RTTN: variants seen among roughly 807,000 people sequenced by gnomAD.
RTTN encodes the protein rotatin.
A neutral mutation model predicts 269.2 loss-of-function variants in RTTN; 182 were observed. The observed-to-expected ratio is 0.68, with a 90% CI of 0.60 to 0.76. The LOEUF (loss-of-function observed/expected upper bound fraction) is 0.76, where lower values mean the gene tolerates loss of function less well. RTTN is among the 30% of genes least tolerant of loss of function. The pLI is 0.00. For synonymous variants in RTTN, 1,006 were observed against 963.5 expected (o/e 1.04, Z -0.82); for missense variants, 2,545 against 2,608.6 (o/e 0.98, Z 0.53).
Position 70,073,905 on chromosome 18 carries a change from C to T in RTTN, c.4653+1G>A. ...AGGACTTATGCATTCTTTGCAAGTA[C>T]CGTTGTTTCTGAGGTGGAGAGAGAA... On this transcript the variant is annotated splice_donor_variant, in intron 34 of 48. Coordinates refer to ENST00000640769, the MANE Select transcript of RTTN (RefSeq NM_173630.4). LOFTEE classifies it high-confidence loss of function. The T allele has an allele frequency of 1.2e-6, 2 of 1,605,892 alleles. No homozygotes were observed. The highest frequency in any genetic ancestry group is 2.2e-5 in the South Asian group (2 of 90,872).
chr18:70,017,437 G>T lies in RTTN; in HGVS notation c.6391C>A (p.Pro2131Thr). Reference protein sequence around the residue: ...LLIFHNVCFSPANKPKILANE... With the variant: ...LLIFHNVCFSTANKPKILANE... ...GCCAGGATCTTGGGTTTATTTGCAG[G>T]ACTGAAGCAAACATTATGAAAGATA... is the stretch of plus-strand genomic sequence containing the variant. The change falls in exon 46 of 49, where the codon CCT (proline) becomes ACT (threonine). Residue 2131 changes from proline (P) to threonine (T), a missense_variant. Pro to Thr is a conservative substitution (Grantham distance 38). Coordinates refer to ENST00000640769, the MANE Select transcript of RTTN (RefSeq NM_173630.4). The T allele has an allele frequency of 6.2e-7, 1 of 1,613,964 alleles. No individual in the cohort carries two copies. Among genetic ancestry groups the T allele is most frequent in the South Asian group, 1.1e-5 (1 of 91,062 alleles).
At chr18:70,140,505 T>C (rs1344293152) in intron 19 of RTTN, among the ~76,000 whole-genome samples, 1 of 152,158 alleles carries the variant, frequency 6.6e-6, no homozygotes, top group Non-Finnish European at 1.5e-5. Context: ...TATTTATACA[T>C]GCAAATTATC....
intron 35 of RTTN, among the ~76,000 whole-genome samples, chr18:70,065,380 C>T (rs1251861992): frequency 6.6e-6 from 1 of 151,702 alleles, no homozygotes; most frequent in Admixed American, 6.6e-5. Flanking sequence ...AAATAAGTCC[C>T]AAGTTGTATA....
rs189834850 is a variant in RTTN, at chr18:70,042,440, A to T, written c.5541+5531T>A. On this transcript the variant is annotated intron_variant, in intron 40 of 48. Transcript: ENST00000640769. Reference sequence around the variant, plus strand: ...GCCCAGGATAGAGTGCAGTGGCGTGATCTCTGCTCACTGCAAGCTCCCCGT... The same window carrying T: ...GCCCAGGATAGAGTGCAGTGGCGTGTTCTCTGCTCACTGCAAGCTCCCCGT... Among the ~76,000 whole-genome samples the T allele has an allele frequency of 5.1e-3, 610 of 119,498 alleles. 3 individuals are homozygous for T. The highest frequency in any genetic ancestry group is 8.5e-3 in the Admixed American group (70 of 8,244). The allele number at this position is 119,498 out of a possible 152,430, so 78.4% of individuals were successfully genotyped here.
intron 28 of RTTN, among the ~76,000 whole-genome samples, chr18:70,101,398 T>G (rs944712559): frequency 2.6e-5 from 4 of 152,236 alleles, no homozygotes; most frequent in African/African-American, 7.2e-5. Flanking sequence ...TAGTAGTTTG[T>G]ATTTCTGTGG....
chr18:70,091,997 C>G (rs1334897934), intron 30 of RTTN, 113 bp downstream of exon 30: 2 of 555,046 alleles, frequency 3.6e-6, no homozygotes, highest in East Asian at 7.3e-5. Context: ...TCGTGATCTG[C>G]CCACCTCAGC....
At chr18:70,149,125 G>C in intron 16 of RTTN, 88 bp from the exon 17 acceptor site, 3 of 1,127,108 alleles carry the variant, frequency 2.7e-6, no homozygotes. Flanking sequence ...TGTCCTATCA[G>C]CAACTCATAA....
At chr18:70,046,933 T>A (rs2057507325) in intron 40 of RTTN, among the ~76,000 whole-genome samples, 2 of 152,240 alleles carry the variant, frequency 1.3e-5, no homozygotes. Flanking sequence ...AGCATTTTCT[T>A]CTTACTGGCA....
rs574033782 is a variant in RTTN, at chr18:70,023,955, G to A, written c.5950+767C>T. On this transcript the variant is annotated intron_variant, in intron 44 of 48. Transcript: ENST00000640769. ...GCACCATCATGCCTGGCTAATTTTTGTGTTTTTAGTAGAGACAGGGTTTCC... is the reference window on the plus strand; with the variant it reads ...GCACCATCATGCCTGGCTAATTTTTATGTTTTTAGTAGAGACAGGGTTTCC... Among the ~76,000 whole-genome samples the A allele has an allele frequency of 2.0e-5, 3 of 152,082 alleles. No individual in the cohort carries two copies. In the East Asian group the frequency reaches 5.8e-4, roughly 29 times the overall value.
At chr18:70,141,542 A>G (rs1472621437) in intron 19 of RTTN, among the ~76,000 whole-genome samples, 2 of 152,164 alleles carry the variant, frequency 1.3e-5, no homozygotes, top group Non-Finnish European at 2.9e-5. Flanking sequence ...CAAACACCGC[A>G]TGTTCTCACT....
intron 10 of RTTN, among the ~76,000 whole-genome samples, chr18:70,180,767 T>C (rs1482544216): frequency 3.3e-5 from 5 of 152,160 alleles, no homozygotes; most frequent in Non-Finnish European, 1.5e-5. Context: ...AATGACCTCA[T>C]AAATAGTGCT....
intron 46 of RTTN, chr18:70,008,254 C>T (rs967280053): frequency 6.6e-6 from 1 of 152,206 alleles, no homozygotes; most frequent in Non-Finnish European, 1.5e-5. Context: ...CCAATGGTCA[C>T]CAACATCAAA....
intron 10 of RTTN, among the ~76,000 whole-genome samples, chr18:70,179,427 A>G (rs1032939877): frequency 6.6e-6 from 1 of 152,242 alleles, no homozygotes; most frequent in Non-Finnish European, 1.5e-5. Context: ...TTTAGGAATG[A>G]GTTTTACAGT....
Position 70,058,137 on chromosome 18 carries a change from T to C in RTTN, c.4941-305A>G, listed in dbSNP as rs116370054. ...ATACAGCCCATGAGTAACAGGAAAC[T>C]TGGTGGTTATTTTCCTAATAAAATA... is the stretch of plus-strand genomic sequence containing the variant. On this transcript the variant is annotated intron_variant, in intron 36 of 48. Coordinates refer to ENST00000640769, the MANE Select transcript of RTTN (RefSeq NM_173630.4). Among the ~76,000 whole-genome samples the C allele has an allele frequency of 6.3e-3, 957 of 152,252 alleles. 11 individuals are homozygous for C. Among genetic ancestry groups the C allele is most frequent in the African/African-American group, 0.022 (900 of 41,526 alleles).
rs565928291 is a variant in RTTN, at chr18:70,190,573, G to C, written c.1154C>G (p.Ser385Cys). 1.9e-5 allele frequency: 31 copies of C among 1,613,740 alleles called. No homozygotes were observed. The highest frequency in any genetic ancestry group is 3.3e-4 in the Middle Eastern group (2 of 6,062). Residue 385 changes from serine (S) to cysteine (C), a missense_variant, in exon 9 of 49, where the codon TCC becomes TGC. Ser to Cys is a moderately radical substitution (Grantham distance 112, BLOSUM62 -1). Coordinates refer to ENST00000640769, the MANE Select transcript of RTTN (RefSeq NM_173630.4). The stretch of plus-strand genomic sequence containing the variant: ...GAGAGGAACAGCTGATTCCAGAATG[G>C]AGACACAAAACTGGGGAAGACTGAG... ...QQLSLPQFCV[S>C]ILESAVPLLR...
chr18:70,185,049 A>C (rs1237342968), intron 10 of RTTN, among the ~76,000 whole-genome samples: 1 of 152,158 alleles, frequency 6.6e-6, no homozygotes, highest in Non-Finnish European at 1.5e-5. Flanking sequence ...CCGATCAAAT[A>C]GATTCCAGAA....
intron 14 of RTTN, among the ~76,000 whole-genome samples, chr18:70,158,792 C>T (rs2060751281): frequency 6.6e-6 from 1 of 152,148 alleles, no homozygotes; most frequent in Admixed American, 6.5e-5. Flanking sequence ...GCAGGAGTTG[C>T]TCTTCTTATT....
At position 70,109,712 on chromosome 18, in the gene RTTN, C is replaced by A; in HGVS notation, c.3689G>T (p.Cys1230Phe). 6.2e-7 allele frequency: 1 copy of A among 1,613,816 alleles called. No homozygotes were observed. The highest frequency in any genetic ancestry group is 1.1e-5 in the South Asian group (1 of 91,060). Residue 1230 changes from cysteine (C) to phenylalanine (F), a missense_variant, in exon 28 of 49, where the codon TGC (cysteine) becomes TTC (phenylalanine). Transcript: ENST00000640769. The stretch of plus-strand genomic sequence containing the variant: ...TTGAAAAACGTAAAGAAGTTCCGAG[C>A]ATTTCCTATGTATGCAAAAGAGGGA... ...LNFMEVTDRK[C>F]SELLYVFQTQ...
chr18:70,048,296 C>G, intron 39 of RTTN, 108 bp from the exon 40 acceptor site: 1 of 1,046,278 alleles, frequency 9.6e-7, no homozygotes. Flanking sequence ...TCTAGATTAC[C>G]AACTTGTGTG....
Sources: allele counts gnomAD v4.1 joint callset (sites outside exome capture counted in the v4.1 genomes callset), GRCh38; gene constraint gnomAD v4.1.1; transcripts MANE v1.5; gene names NCBI Gene and HGNC (gene_info 2026-07-23, HGNC 2026-07-21).